Variants in RBM26 observed in about 807,000 individuals in gnomAD.
RBM26 encodes RNA binding motif protein 26, also known as RNA-binding protein 26.
In RBM26, 30 loss-of-function variants were observed where a neutral mutation model predicts 123.6. The ratio of observed to expected loss-of-function variants is 0.24; its 90% CI spans 0.18 to 0.33. The LOEUF (loss-of-function observed/expected upper bound fraction) is 0.33. Among genes scored for constraint, RBM26 ranks in the 10% least tolerant of loss-of-function variants. The pLI is 1.00. For missense variants in RBM26, 947 were observed against 1,203.6 expected, an observed-to-expected ratio of 0.79 and a Z score of 3.15; for synonymous variants, 400 against 404.4, an observed-to-expected ratio of 0.99 and a Z score of 0.13.
Position 79,366,703 on chromosome 13 carries a change from G to A in RBM26, c.1065C>T (p.Pro355=), listed in dbSNP as rs781651562. The part of the protein sequence containing the change: ...GLPPPPPILT[P]PPVNLRPPVP... ...CTGGGGGCCTGAGATTCACAGGTGG[G>A]GGTGTAAGAATTGGTGGAGGTGGGG... The change falls in exon 7 of 22, where the codon CCC becomes CCT. Residue 355 remains proline, a synonymous_variant. Transcript: ENST00000438737. The A allele has an allele frequency of 1.9e-6, 3 of 1,609,574 alleles. No homozygotes were observed. Among genetic ancestry groups the A allele is most frequent in the African/African-American group, 2.7e-5 (2 of 74,712 alleles).
intron 1 of RBM26, 69 bp downstream of exon 1, chr13:79,405,635 T>C (rs1468294889): frequency 1.7e-6 from 2 of 1,156,388 alleles, no homozygotes; most frequent in African/African-American, 3.1e-5. Context: ...TTGGGGAAAC[T>C]GCACAGATCT....
At position 79,392,199 on chromosome 13, in the gene RBM26, A is replaced by G. The variant is rs184122066; in HGVS notation, c.72-13292T>C. ...TAATACATAATTATTATATAATTAT[A>G]TATTATACAATAATACATAATTATT... On this transcript the variant is annotated intron_variant, in intron 1 of 21. Transcript: ENST00000438737. 4.1e-5 allele frequency among the ~76,000 whole-genome samples: 4 copies of G among 97,794 alleles called. No individual in the cohort carries two copies. In the East Asian group the frequency reaches 9.6e-4, roughly 23 times the overall value. The allele number at this position is 97,794 out of a possible 152,430, so 64.2% of individuals were successfully genotyped here. A position where few individuals can be genotyped will look rare whatever the true frequency, so the allele number is the denominator to read the frequency against.
chr13:79,373,667 T>G (rs2076357855), intron 3 of RBM26, among the ~76,000 whole-genome samples: 1 of 112,314 alleles, frequency 8.9e-6, no homozygotes, highest in Non-Finnish European at 1.8e-5. Context: ...TATTTATATA[T>G]TATATATTAC....
intron 10 of RBM26, among the ~76,000 whole-genome samples, chr13:79,358,955 A>G (rs1219019417): frequency 1.3e-5 from 2 of 152,238 alleles, no homozygotes; most frequent in African/African-American, 4.8e-5. Flanking sequence ...TGTGGCCTAG[A>G]GAGGTTACTC....
At position 79,319,714 on chromosome 13, in the gene RBM26, T is replaced by C. The variant is rs1223738047; in HGVS notation, c.*907A>G. 4.1e-6 allele frequency: 4 copies of C among 983,706 alleles called. No individual in the cohort carries two copies. The highest frequency in any genetic ancestry group is 4.7e-5 in the South Asian group (1 of 21,256). The allele number at this position is 983,706 out of a possible 1,614,324, so 60.9% of individuals were successfully genotyped here. A position where few individuals can be genotyped will look rare whatever the true frequency, so the allele number is the denominator to read the frequency against. On this transcript the variant is annotated 3_prime_UTR_variant, in exon 22 of 22. Transcript: ENST00000438737. ...AGCCTGCTTTTAAATTTTAAGACAT[T>C]TGTTGAAAATTTATAGGATCAAACC...
At chr13:79,332,284 T>C (rs1279300512) in intron 20 of RBM26, among the ~76,000 whole-genome samples, 2 of 152,194 alleles carry the variant, frequency 1.3e-5, no homozygotes, top group Non-Finnish European at 2.9e-5. Context: ...TATATAACAA[T>C]GGTGATAGAA....
chr13:79,330,901 T>C (rs541551610), intron 20 of RBM26, among the ~76,000 whole-genome samples: 5 of 152,252 alleles, frequency 3.3e-5, no homozygotes, highest in Admixed American at 2.6e-4. Flanking sequence ...TAGCAGCACT[T>C]AATAACTATT....
intron 14 of RBM26, among the ~76,000 whole-genome samples, chr13:79,351,109 T>C (rs914599664): frequency 6.6e-6 from 1 of 152,144 alleles, no homozygotes; most frequent in African/African-American, 2.4e-5. Flanking sequence ...AGTTATATTA[T>C]CAACTACAAA....
intron 16 of RBM26, 75 bp downstream of exon 16, chr13:79,344,173 C>T (rs781577365): frequency 3.3e-6 from 3 of 896,892 alleles, no homozygotes; most frequent in Non-Finnish European, 5.7e-6. Context: ...CTTTTTATGA[C>T]TAGGTAGCAT....
intron 9 of RBM26, among the ~76,000 whole-genome samples, chr13:79,361,714 G>A (rs530599660): frequency 6.6e-6 from 1 of 152,166 alleles, no homozygotes; most frequent in East Asian, 1.9e-4. Context: ...TGCAGCTTTT[G>A]GGCTTCATTT....
intron 20 of RBM26, among the ~76,000 whole-genome samples, chr13:79,323,928 A>G (rs1417239909): frequency 6.6e-6 from 1 of 150,376 alleles, no homozygotes; most frequent in African/African-American, 2.4e-5. Flanking sequence ...TTCTGATGTT[A>G]TAAGAAACAT....
intron 3 of RBM26, among the ~76,000 whole-genome samples, chr13:79,375,081 T>TATATAAATATATTTATATATC (rs1555332772): frequency 3.8e-5 from 4 of 104,368 alleles, no homozygotes; most frequent in Non-Finnish European, 6.2e-5. Context: ...TTATATGATA[T>TATATAAATATATTTATATATC]ATATAAATAT....
chr13:79,326,401 CT>C (rs2068420186), intron 20 of RBM26, among the ~76,000 whole-genome samples: 2 of 152,046 alleles, frequency 1.3e-5, no homozygotes, highest in South Asian at 4.1e-4. Context: ...AGGATGCCTA[CT>C]TGGGCTAGGA....
Position 79,319,959 on chromosome 13 carries a change from T to A in RBM26, c.*662A>T. 1.7e-6 allele frequency: 1 copy of A among 598,664 alleles called. No individual in the cohort carries two copies. The allele number at this position is 598,664 out of a possible 1,614,324, so 37.1% of individuals were successfully genotyped here. On this transcript the variant is annotated 3_prime_UTR_variant, in exon 22 of 22. Coordinates refer to ENST00000438737, the MANE Select transcript of RBM26 (RefSeq NM_001366735.2). ...GGAACATTGTCTTGGCTTTTTTTTT[T>A]TTTTTTTTTTTGTCATTGCTTTTCT...
intron 3 of RBM26, 109 bp downstream of exon 3, chr13:79,377,270 G>C: frequency 2.5e-6 from 2 of 815,532 alleles, no homozygotes; most frequent in South Asian, 3.6e-5. Context: ...CATTTAAACT[G>C]GGAGTGGTCC....
chr13:79,346,835 T>G (rs1404108741), intron 14 of RBM26, among the ~76,000 whole-genome samples: 2 of 152,188 alleles, frequency 1.3e-5, no homozygotes, highest in African/African-American at 4.8e-5. Flanking sequence ...CAGGATAAAC[T>G]GAAAACAGAG....
intron 14 of RBM26, among the ~76,000 whole-genome samples, chr13:79,348,364 CTTATT>C (rs1401422972): frequency 2.6e-5 from 4 of 152,088 alleles, no homozygotes; most frequent in African/African-American, 4.8e-5. Flanking sequence ...TTAACACCTC[CTTATT>C]TTATTTCCTA....
intron 18 of RBM26, among the ~76,000 whole-genome samples, chr13:79,339,295 A>G (rs1172128752): frequency 6.6e-6 from 1 of 152,170 alleles, no homozygotes; most frequent in Non-Finnish European, 1.5e-5. Flanking sequence ...GTCAAAGTGT[A>G]CAATGTTTCA....
rs775225723 is a variant in RBM26, at chr13:79,342,625, T to C, written c.2427+39A>G. 5.4e-6 allele frequency: 8 copies of C among 1,484,560 alleles called. No individual in the cohort carries two copies. The African/African-American group carries it at 5.8e-5, about 11-fold the overall frequency. 92.0% of individuals were successfully genotyped at this position (1,484,560 alleles called of 1,614,324 possible). ...TTAAAAATGTAGTGTCTAATGCTTG[T>C]TAATAAGTAATAATATGAACAACAA... On this transcript the variant is annotated intron_variant, in intron 17 of 21. Transcript: ENST00000438737.
Sources: allele counts gnomAD v4.1 joint callset (sites outside exome capture counted in the v4.1 genomes callset), GRCh38; gene constraint gnomAD v4.1.1; transcripts MANE v1.5; gene names NCBI Gene and HGNC (gene_info 2026-07-23, HGNC 2026-07-21).